The following BMP2K variants were observed in gnomAD, a reference collection of about 807,000 sequenced individuals.
BMP2K encodes BMP2 inducible kinase, also known as BMP-2-inducible protein kinase.
BMP2K carries 74 observed loss-of-function variants against 116.0 expected under a neutral mutation model. The ratio of observed to expected loss-of-function variants is 0.64; its 90% CI spans 0.53 to 0.77. The LOEUF (loss-of-function observed/expected upper bound fraction) is 0.77. Among genes scored for constraint, BMP2K ranks in the 30% least tolerant of loss-of-function variants. The pLI is 0.00. For synonymous variants in BMP2K, 486 were observed against 502.5 expected, an observed-to-expected ratio of 0.97 and a Z score of 0.44; for missense variants, 1,365 against 1,403.6, an observed-to-expected ratio of 0.97 and a Z score of 0.44.
chr4:78,806,576 A>G (rs1219945176), intron 1 of BMP2K, among the ~76,000 whole-genome samples: 1 of 152,204 alleles, frequency 6.6e-6, no homozygotes, highest in Non-Finnish European at 1.5e-5. Flanking sequence ...CTTGGGCTAG[A>G]ATCTTCTCCA....
chr4:78,862,156 G>A (rs551921866), intron 9 of BMP2K, among the ~76,000 whole-genome samples: 8 of 151,930 alleles, frequency 5.3e-5, no homozygotes, highest in Admixed American at 4.6e-4. Context: ...TTTATGCAAA[G>A]TTTATTTGTT....
At chr4:78,860,145 C>T (rs75998681) in intron 8 of BMP2K, 5,487 of 482,666 alleles carry the variant, frequency 0.011, 281 homozygotes, top group African/African-American at 0.1. Context: ...ACAATGTGTA[C>T]GCATAGATAT....
intron 1 of BMP2K, among the ~76,000 whole-genome samples, chr4:78,787,496 G>C (rs747178279): frequency 6.6e-6 from 1 of 152,088 alleles, no homozygotes; most frequent in Non-Finnish European, 1.5e-5. Flanking sequence ...GTGGGAGCTG[G>C]GTAGTCTAAA....
rs1734960591 is a variant in BMP2K, at chr4:78,915,458, C to G, written c.*3425C>G. The G allele has an allele frequency of 1.3e-5, 2 of 151,754 alleles. No homozygotes were observed. The highest frequency in any genetic ancestry group is 2.1e-4 in the South Asian group (1 of 4,810). 9.4% of individuals were successfully genotyped at this position (151,754 alleles called of 1,614,324 possible). On this transcript the variant is annotated 3_prime_UTR_variant, in exon 16 of 16. Coordinates refer to ENST00000502613, the MANE Select transcript of BMP2K (RefSeq NM_198892.2). Reference sequence around the variant, plus strand: ...TAATATATTTAGAATGTGCAGTAAACTTTTTTCTCATTTTTTTTTCTTTTT... The same window carrying G: ...TAATATATTTAGAATGTGCAGTAAAGTTTTTTCTCATTTTTTTTTCTTTTT...
chr4:78,899,041 T>C (rs530296984), intron 15 of BMP2K: 190 of 152,578 alleles, frequency 1.2e-3, no homozygotes, highest in Admixed American at 4.8e-3. Flanking sequence ...AAGGGTGAAC[T>C]GGCTCAGGTT....
chr4:78,847,158 C>A (rs767489697), intron 5 of BMP2K, 30 bp from the exon 6 acceptor site: 9 of 1,184,318 alleles, frequency 7.6e-6, no homozygotes, highest in African/African-American at 3.2e-5. Context: ...ATATATATAT[C>A]TCCACTCCAT....
Position 78,911,460 on chromosome 4 carries a change from A to T in BMP2K, c.2913A>T (p.Lys971Asn). The T allele has an allele frequency of 6.2e-7, 1 of 1,614,072 alleles. No homozygotes were observed. The highest frequency in any genetic ancestry group is 8.5e-7 in the Non-Finnish European group (1 of 1,179,906). Residue 971 changes from lysine (K) to asparagine (N), a missense_variant, in exon 16 of 16, where the codon AAA becomes AAT. Transcript: ENST00000502613. ...EITGSQQQKV[K>N]QRSLQKLSSR... ...CGGGGAGCCAGCAGCAAAAAGTCAA[A>T]CAGCGCAGCTTACAGAAACTGTCCT...
At chr4:78,909,928 A>G (rs997921408) in intron 15 of BMP2K, among the ~76,000 whole-genome samples, 1 of 151,970 alleles carries the variant, frequency 6.6e-6, no homozygotes, top group Admixed American at 6.6e-5. Flanking sequence ...AGCTAAAAAC[A>G]TCTCCAGATG....
intron 13 of BMP2K, among the ~76,000 whole-genome samples, chr4:78,878,011 A>G (rs945364618): frequency 6.6e-6 from 1 of 152,132 alleles, no homozygotes; most frequent in African/African-American, 2.4e-5. Context: ...AGAAATCTTT[A>G]TATTCTCATC....
rs1162798588 is a variant in BMP2K at position 78,887,249 on chromosome 4, A to T, written c.2027A>T (p.Asp676Val). 1 of 1,610,950 alleles carries T rather than the reference A, an allele frequency of 6.2e-7. No homozygotes were observed. Among genetic ancestry groups the T allele is most frequent in the South Asian group, 1.1e-5 (1 of 90,176 alleles). Residue 676 changes from aspartate to valine, a missense_variant, in exon 15 of 16, where the codon GAT becomes GTT. Coordinates refer to ENST00000502613, the MANE Select transcript of BMP2K (RefSeq NM_198892.2). Reference protein sequence around the residue: ...LSAPHNHPPEDPFGSVPFISH... With the variant: ...LSAPHNHPPEVPFGSVPFISH... ...GCTCCACATAACCATCCTCCAGAAG[A>T]TCCTTTTGGTTCTGTTCCTTTCATT...
chr4:78,884,734 C>G (rs762122777), intron 14 of BMP2K, among the ~76,000 whole-genome samples: 1 of 152,146 alleles, frequency 6.6e-6, no homozygotes, highest in Non-Finnish European at 1.5e-5. Flanking sequence ...TTTTACAGTT[C>G]CTCCATAAAT....
chr4:78,801,652 A>G (rs1338489475), intron 1 of BMP2K, among the ~76,000 whole-genome samples: 1 of 151,714 alleles, frequency 6.6e-6, no homozygotes, highest in Non-Finnish European at 1.5e-5. Context: ...TCTCCATTTT[A>G]TTTCTTGCCC....
chr4:78,861,516 G>A lies in BMP2K; in HGVS notation c.1067+48G>A, dbSNP rs1182784271. The A allele has an allele frequency of 2.8e-6, 4 of 1,440,362 alleles. No homozygotes were observed. The African/African-American group carries it at 4.3e-5, about 15-fold the overall frequency. The allele number at this position is 1,440,362 out of a possible 1,614,324, so 89.2% of individuals were successfully genotyped here. A position where few individuals can be genotyped will look rare whatever the true frequency, so the allele number is the denominator to read the frequency against. On this transcript the variant is annotated intron_variant, in intron 9 of 15. Coordinates refer to ENST00000502613, the MANE Select transcript of BMP2K (RefSeq NM_198892.2). ...TGAAAAGGCATTAAAAAAAATGATA[G>A]GTCTTGTTTTTAATCCTAGCAAGTG...
At chr4:78,859,297 A>C (rs1236451902) in intron 7 of BMP2K, 1 of 234,790 alleles carries the variant, frequency 4.3e-6, no homozygotes, top group Non-Finnish European at 8.1e-6. Context: ...GTGTTCACTA[A>C]ACTCACTTTT....
intron 2 of BMP2K, 126 bp downstream of exon 2, chr4:78,826,281 A>G: frequency 1.5e-6 from 1 of 651,798 alleles, no homozygotes; most frequent in Non-Finnish European, 2.7e-6. Context: ...AGCTCGCTGC[A>G]ACCTCCACCT....
rs1732315212 is a variant in BMP2K at position 78,870,961 on chromosome 4, ACAGCAGCAGCAGCAACAGCAACAG to A, written c.1425_1448del (p.Gln479_Gln486del). 10 of 1,610,736 alleles carry A rather than the reference ACAGCAGCAGCAGCAACAGCAACAG, an allele frequency of 6.2e-6. No individual in the cohort carries two copies. The highest frequency in any genetic ancestry group is 1.7e-4 in the Middle Eastern group (1 of 6,038). Reference sequence around the variant, plus strand: ...AGCAGCAGCAGCAGCAGCAACAGCAACAGCAGCAGCAGCAACAGCAACAGCAGCAGCAGCAGCAGCAGCAGCAGC... The same window carrying A: ...AGCAGCAGCAGCAGCAGCAACAGCAACAGCAGCAGCAGCAGCAGCAGCAGC... On this transcript the variant is annotated inframe_deletion, in exon 11 of 16. Coordinates refer to ENST00000502613, the MANE Select transcript of BMP2K (RefSeq NM_198892.2).
rs1403063773 is a variant in BMP2K at position 78,823,071 on chromosome 4, C to A, written c.179-2966C>A. Among the ~76,000 whole-genome samples, 6 of 152,046 alleles carry A rather than the reference C, an allele frequency of 3.9e-5. No individual in the cohort carries two copies. In the East Asian group the frequency reaches 1.2e-3, roughly 29 times the overall value. ...TTATTCTCAAAGCAGATACAATTAA[C>A]GATCACTGTTTACCATGTTTAGGTA... On this transcript the variant is annotated intron_variant, in intron 1 of 15. Transcript: ENST00000502613.
chr4:78,792,369 C>T (rs1728045471), intron 1 of BMP2K, among the ~76,000 whole-genome samples: 1 of 152,146 alleles, frequency 6.6e-6, no homozygotes, highest in South Asian at 2.1e-4. Flanking sequence ...AGGAAGAGCA[C>T]TTGGGTGATG....
chr4:78,788,430 T>G (rs1211004665), intron 1 of BMP2K, among the ~76,000 whole-genome samples: 3 of 151,436 alleles, frequency 2.0e-5, no homozygotes, highest in South Asian at 2.1e-4. Flanking sequence ...TTGGAATAGA[T>G]CCTTAGTTTC....
Sources: gnomAD v4.1 joint callset for allele counts (sites outside exome capture counted in the v4.1 genomes callset) on GRCh38, gnomAD v4.1.1 for gene constraint, MANE v1.5 for transcripts, NCBI Gene and HGNC (gene_info 2026-07-23, HGNC 2026-07-21) for gene names.